Variants in NXNL2 observed in about 807,000 individuals in gnomAD.
NXNL2 encodes nucleoredoxin like 2.
Under a neutral mutation model 11.1 loss-of-function variants are expected in NXNL2, and 7 were observed. That is an observed-to-expected ratio of 0.63 (90% CI 0.36 to 1.18). The LOEUF is 1.18. Ranked by LOEUF, NXNL2 falls within the 50% of genes most tolerant of loss-of-function variation. NXNL2 has a pLI of 0.02. For synonymous variants in NXNL2, 109 were observed against 101.8 expected (o/e 1.07, Z -0.42); for missense variants, 233 against 217.7 (o/e 1.07, Z -0.44).
chr9:88,575,485 G>A (rs899623684), exon 3 of NXNL2: 5 of 152,326 alleles, frequency 3.3e-5, no homozygotes. Context: ...CTTATGTGAA[G>A]TGAAATAAGC....
At chr9:88,572,121 C>T (rs919057199) in intron 2 of NXNL2, among the ~76,000 whole-genome samples, 1 of 152,154 alleles carries the variant, frequency 6.6e-6, no homozygotes, top group Non-Finnish European at 1.5e-5. Context: ...TTCCTGTTGG[C>T]GTGTCCCTAA....
At chr9:88,579,437 T>A (rs1169904925), downstream of NXNL2, among the ~76,000 whole-genome samples, 1 of 152,144 alleles carries the variant, frequency 6.6e-6, no homozygotes, top group Non-Finnish European at 1.5e-5. Flanking sequence ...TGGGACAGAC[T>A]CCCTCCTGGC....
downstream of NXNL2, among the ~76,000 whole-genome samples, chr9:88,577,340 C>T (rs756496059): frequency 3.3e-5 from 5 of 151,882 alleles, no homozygotes; most frequent in Non-Finnish European, 5.9e-5. Context: ...TTGTGATGCA[C>T]CCCCGGGCAG....
chr9:88,578,577 C>T (rs1830375054), downstream of NXNL2, among the ~76,000 whole-genome samples: 1 of 152,256 alleles, frequency 6.6e-6, no homozygotes, highest in Admixed American at 6.5e-5. Flanking sequence ...TTTCTTTTCC[C>T]TCCGGTTGGA....
downstream of NXNL2, among the ~76,000 whole-genome samples, chr9:88,548,339 CAAAAAAAAAAAAAAA>C (rs60796870): frequency 0.023 from 702 of 30,852 alleles, 7 homozygotes; most frequent in African/African-American, 0.082. Context: ...GACTTTTTCT[CAAAAAAAAAAAAAAA>C]AAAAAAAAAA....
chr9:88,571,796 C>T (rs1261202426), intron 2 of NXNL2, among the ~76,000 whole-genome samples: 4 of 152,192 alleles, frequency 2.6e-5, no homozygotes, highest in Non-Finnish European at 5.9e-5. Flanking sequence ...TCTCACTGGG[C>T]AAGACGGGGG....
At position 88,558,397 on chromosome 9, in the gene NXNL2, C is replaced by T. The variant is rs541171968; in HGVS notation, c.303-12690C>T. Among the ~76,000 whole-genome samples the T allele has an allele frequency of 1.3e-5, 2 of 152,294 alleles. 1 individual carries two copies. The highest frequency in any genetic ancestry group is 4.1e-4 in the South Asian group (2 of 4,822). On this transcript the variant is annotated intron_variant, in intron 1 of 2. Coordinates refer to the NXNL2 transcript ENST00000375855. ...CTCTCATATGCATCTCCCTAAGCAT[C>T]TCTTCATCCTCAGACATCCTTACAT... is the stretch of plus-strand genomic sequence containing the variant.
intron 1 of NXNL2, among the ~76,000 whole-genome samples, chr9:88,562,412 T>A (rs1383835933): frequency 6.6e-6 from 1 of 152,080 alleles, no homozygotes; most frequent in Non-Finnish European, 1.5e-5. Context: ...AGGCCCTTCA[T>A]TTCTGTTAAC....
rs73487872 is a variant in NXNL2 at position 88,544,893 on chromosome 9, T to C, written c.*346T>C. On this transcript the variant is annotated 3_prime_UTR_variant, in exon 2 of 2. Coordinates refer to ENST00000375854, the MANE Select transcript of NXNL2 (RefSeq NM_001161625.2). ...TCAGGTAAAATAATATATTTATTGA[T>C]AACATTTTCTGGCGATCTGTTTATT... 0.011 allele frequency: 10,809 copies of C among 997,486 alleles called. 737 individuals are homozygous for C. The African/African-American group carries it at 0.15, about 14-fold the overall frequency. 61.8% of individuals were successfully genotyped at this position (997,486 alleles called of 1,614,324 possible). A position where few individuals can be genotyped will look rare whatever the true frequency, so the allele number is the denominator to read the frequency against.
In NXNL2 at chr9:88,552,527, C is replaced by A. The variant is rs543495201; in HGVS notation, c.302+16791C>A. Reference sequence around the variant, plus strand: ...TCGCTCTGTCACCCAGGCTGGAGTGCAATGGCGATCTCCACTCACTGCAAA... The same window carrying A: ...TCGCTCTGTCACCCAGGCTGGAGTGAAATGGCGATCTCCACTCACTGCAAA... On this transcript the variant is annotated intron_variant, in intron 1 of 2. Transcript: ENST00000375855. 2.0e-5 allele frequency among the ~76,000 whole-genome samples: 3 copies of A among 147,404 alleles called. No homozygotes were observed. The East Asian group carries it at 6.0e-4, about 30-fold the overall frequency.
intron 1 of NXNL2, among the ~76,000 whole-genome samples, chr9:88,560,016 A>G (rs1320288835): frequency 2.0e-5 from 3 of 152,142 alleles, no homozygotes; most frequent in Admixed American, 2.0e-4. Flanking sequence ...GCGTGGCCTC[A>G]GGATCTAGTG....
At chr9:88,569,070 G>T (rs1390698159) in intron 1 of NXNL2, among the ~76,000 whole-genome samples, 1 of 152,068 alleles carries the variant, frequency 6.6e-6, no homozygotes, top group Non-Finnish European at 1.5e-5. Flanking sequence ...GGGAATACAG[G>T]CATGCACCGC....
Position 88,552,399 on chromosome 9 carries a change from C to T in NXNL2, c.302+16663C>T, listed in dbSNP as rs181477617. Among the ~76,000 whole-genome samples the T allele has an allele frequency of 4.7e-3, 715 of 150,980 alleles. 9 individuals are homozygous for T. The highest frequency in any genetic ancestry group is 0.016 in the African/African-American group (669 of 41,130). On this transcript the variant is annotated intron_variant, in intron 1 of 2. Coordinates refer to the NXNL2 transcript ENST00000375855. ...GTTTGTAATTTTACAAGGAAGACTC[C>T]TTTTAAAATTTTACTTAATTTAGTG...
intron 1 of NXNL2, among the ~76,000 whole-genome samples, chr9:88,566,730 T>A (rs2118515354): frequency 2.0e-5 from 3 of 152,352 alleles, no homozygotes; most frequent in Middle Eastern, 6.8e-3. Flanking sequence ...GCATGTTTCA[T>A]TCTTTTCTGG....
chr9:88,549,070 G>A (rs868801450), downstream of NXNL2, among the ~76,000 whole-genome samples: 1 of 152,156 alleles, frequency 6.6e-6, no homozygotes, highest in Non-Finnish European at 1.5e-5. Context: ...ACACAGCCTC[G>A]TCTGTGGTAT....
chr9:88,558,831 G>A (rs952765347), intron 1 of NXNL2, among the ~76,000 whole-genome samples: 2 of 152,208 alleles, frequency 1.3e-5, no homozygotes, highest in Non-Finnish European at 2.9e-5. Context: ...GAAATACCTT[G>A]GTTTTTCCTG....
At chr9:88,581,528 C>T (rs570573595) in intron 1 of NXNL2, among the ~76,000 whole-genome samples, 2 of 152,192 alleles carry the variant, frequency 1.3e-5, no homozygotes, top group Admixed American at 1.3e-4. Context: ...ACCTCTGCCT[C>T]GTAGGTTCAA....
At position 88,535,726 on chromosome 9, in the gene NXNL2, C is replaced by G; in HGVS notation, c.292C>G (p.Pro98Ala). The G allele has an allele frequency of 1.3e-6, 2 of 1,577,088 alleles. No homozygotes were observed. Among genetic ancestry groups the G allele is most frequent in the East Asian group, 4.5e-5 (2 of 44,564 alleles). ...CTGGCTGGCGCTGCCCTTCCACGAC[C>G]CCTACCGGCAGTGAGTGGGGGTCCT... ...GAWLALPFHD[P>A]YRHELRKRYN... The change falls in exon 1 of 2, where the codon CCC becomes GCC. Residue 98 changes from proline to alanine, a missense_variant. Pro to Ala is a conservative substitution (Grantham distance 27). Transcript: ENST00000375854.
intron 1 of NXNL2, among the ~76,000 whole-genome samples, chr9:88,566,012 T>G (rs1466482460): frequency 1.3e-5 from 2 of 152,242 alleles, no homozygotes; most frequent in Non-Finnish European, 2.9e-5. Context: ...CTAATCCCAT[T>G]TTTAATTGAG....
Sources: gnomAD v4.1 joint callset for allele counts (sites outside exome capture counted in the v4.1 genomes callset) on GRCh38, gnomAD v4.1.1 for gene constraint, MANE v1.5 for transcripts, NCBI Gene and HGNC (gene_info 2026-07-23, HGNC 2026-07-21) for gene names.